Variants in MTUS2 observed in about 807,000 individuals in gnomAD.
MTUS2 encodes the protein microtubule-associated tumor suppressor candidate 2.
MTUS2 carries 40 observed loss-of-function variants against 114.1 expected under a neutral mutation model. The ratio of observed to expected loss-of-function variants is 0.35; its 90% CI spans 0.27 to 0.46. The LOEUF (loss-of-function observed/expected upper bound fraction) is 0.46, where lower values mean the gene tolerates loss of function less well. MTUS2 is among the 20% of genes least tolerant of loss of function. The pLI is 1.00. For synonymous variants in MTUS2, 688 were observed against 672.0 expected, an observed-to-expected ratio of 1.02 and a Z score of -0.37; for missense variants, 1,679 against 1,705.4, an observed-to-expected ratio of 0.98 and a Z score of 0.27.
At position 29,235,382 on chromosome 13, in the gene MTUS2, C is replaced by T. The variant is rs141588452; in HGVS notation, c.2645-46322C>T. Among the ~76,000 whole-genome samples the T allele has an allele frequency of 7.6e-4, 116 of 152,180 alleles. 1 individual carries two copies. The highest frequency in any genetic ancestry group is 1.4e-3 in the Non-Finnish European group (94 of 68,002). ...TGCTGGGATTGCAGGCATGAGCGAC[C>T]GCACCCGGCCAATAATGGTAATTTT... On this transcript the variant is annotated intron_variant, in intron 5 of 15. Coordinates refer to ENST00000612955, the MANE Select transcript of MTUS2 (RefSeq NM_001033602.4).
At chr13:29,373,274 C>A (rs1871333319) in intron 8 of MTUS2, among the ~76,000 whole-genome samples, 1 of 152,192 alleles carries the variant, frequency 6.6e-6, no homozygotes, top group Non-Finnish European at 1.5e-5. Flanking sequence ...GGGAAGGAAA[C>A]TTTCCCATTT....
At chr13:29,204,374 G>A (rs1189043587) in intron 5 of MTUS2, among the ~76,000 whole-genome samples, 2 of 152,182 alleles carry the variant, frequency 1.3e-5, no homozygotes, top group Non-Finnish European at 2.9e-5. Flanking sequence ...GGCCGGGGTT[G>A]CCAAGCCTTC....
chr13:29,120,114 T>C (rs1891245335), intron 5 of MTUS2, among the ~76,000 whole-genome samples: 1 of 152,092 alleles, frequency 6.6e-6, no homozygotes, highest in Admixed American at 6.6e-5. Context: ...TGACGAAGAT[T>C]GAAAAGGATA....
intron 5 of MTUS2, among the ~76,000 whole-genome samples, chr13:29,280,463 C>T (rs970810105): frequency 6.6e-6 from 1 of 152,090 alleles, no homozygotes; most frequent in Non-Finnish European, 1.5e-5. Flanking sequence ...CAATTTTAAA[C>T]AGAATTTCAG....
At chr13:29,158,070 C>G (rs1003711830) in intron 5 of MTUS2, among the ~76,000 whole-genome samples, 4 of 152,318 alleles carry the variant, frequency 2.6e-5, no homozygotes, top group African/African-American at 9.6e-5. Context: ...TTGTAATCGT[C>G]TCCTTACTGA....
intron 4 of MTUS2, among the ~76,000 whole-genome samples, chr13:29,051,035 T>G (rs1001859843): frequency 1.3e-5 from 2 of 152,206 alleles, no homozygotes; most frequent in Non-Finnish European, 2.9e-5. Flanking sequence ...CACAAAAGTT[T>G]TAAACATCAT....
chr13:29,296,276 G>A (rs1337059124), intron 6 of MTUS2, among the ~76,000 whole-genome samples: 2 of 152,022 alleles, frequency 1.3e-5, no homozygotes, highest in Non-Finnish European at 2.9e-5. Context: ...GCAGTGGTGC[G>A]ATTATGGCTC....
chr13:29,050,577 C>T (rs1182633920), intron 4 of MTUS2, among the ~76,000 whole-genome samples: 1 of 152,146 alleles, frequency 6.6e-6, no homozygotes, highest in East Asian at 1.9e-4. Flanking sequence ...TCGGTCACAA[C>T]CATCAGCGTC....
intron 2 of MTUS2, among the ~76,000 whole-genome samples, chr13:28,856,871 T>A (rs1876662290): frequency 6.6e-6 from 1 of 152,160 alleles, no homozygotes; most frequent in Admixed American, 6.5e-5. Context: ...CCGTACAACC[T>A]CTCCCACAAG....
intron 5 of MTUS2, among the ~76,000 whole-genome samples, chr13:29,202,833 G>C (rs978075625): frequency 1.3e-5 from 2 of 152,176 alleles, no homozygotes; most frequent in South Asian, 4.1e-4. Flanking sequence ...TATCACCAGC[G>C]GAGGCTGCAG....
At chr13:29,362,147 T>C (rs1026539652) in intron 8 of MTUS2, among the ~76,000 whole-genome samples, 1 of 152,206 alleles carries the variant, frequency 6.6e-6, no homozygotes, top group African/African-American at 2.4e-5. Context: ...ATGTAGTGAA[T>C]TAATGTGCAA....
chr13:29,040,200 T>C (rs932416838), intron 4 of MTUS2, among the ~76,000 whole-genome samples: 5 of 152,240 alleles, frequency 3.3e-5, no homozygotes, highest in Admixed American at 6.5e-5. Context: ...CTCCCACTTA[T>C]GCGTGAGAAC....
intron 2 of MTUS2, among the ~76,000 whole-genome samples, chr13:28,899,565 A>G (rs1047156868): frequency 5.3e-5 from 8 of 152,002 alleles, no homozygotes; most frequent in Admixed American, 5.2e-4. Flanking sequence ...GCCCACCACC[A>G]CGCCTGGCTA....
chr13:29,408,692 A>G (rs1173524312), intron 8 of MTUS2, among the ~76,000 whole-genome samples: 1 of 151,406 alleles, frequency 6.6e-6, no homozygotes, highest in African/African-American at 2.4e-5. Flanking sequence ...TTTTTTTTTC[A>G]TATAGATAAC....
intron 5 of MTUS2, among the ~76,000 whole-genome samples, chr13:29,189,937 G>C (rs1288626005): frequency 6.6e-6 from 1 of 152,218 alleles, no homozygotes; most frequent in Non-Finnish European, 1.5e-5. Context: ...GAGATCATGA[G>C]GGTAGAGCTC....
Position 29,321,349 on chromosome 13 carries a change from A to G in MTUS2, c.2807-3264A>G, listed in dbSNP as rs143232993. 2.9e-3 allele frequency among the ~76,000 whole-genome samples: 447 copies of G among 152,322 alleles called. 3 individuals carry two copies. The Middle Eastern group carries it at 0.044, about 15-fold the overall frequency. ...AAAGACCACACTAGCATTTCTAGAC[A>G]CTCAGGGATCTCATTGAGTGAAACG... On this transcript the variant is annotated intron_variant, in intron 6 of 15. Transcript: ENST00000612955.
chr13:28,859,508 G>A (rs977347843), intron 2 of MTUS2, among the ~76,000 whole-genome samples: 2 of 152,076 alleles, frequency 1.3e-5, no homozygotes, highest in African/African-American at 2.4e-5. Flanking sequence ...GCATGTGCTG[G>A]CTGCTTAGGC....
At chr13:29,164,602 G>A (rs1404391987) in intron 5 of MTUS2, among the ~76,000 whole-genome samples, 3 of 152,186 alleles carry the variant, frequency 2.0e-5, no homozygotes, top group Admixed American at 6.5e-5. Flanking sequence ...TAGGGATGAT[G>A]TATATGTGAA....
At chr13:29,411,498 A>G (rs1389823409) in intron 8 of MTUS2, among the ~76,000 whole-genome samples, 4 of 152,202 alleles carry the variant, frequency 2.6e-5, no homozygotes, top group African/African-American at 9.6e-5. Flanking sequence ...TTAATGTCTG[A>G]TAGATCTAGA....
Sources: allele counts gnomAD v4.1 joint callset (sites outside exome capture counted in the v4.1 genomes callset), GRCh38; gene constraint gnomAD v4.1.1; transcripts MANE v1.5; gene names NCBI Gene and HGNC (gene_info 2026-07-23, HGNC 2026-07-21).